PALM2AKAP2: variants seen among roughly 807,000 people sequenced by gnomAD.
The protein encoded by PALM2AKAP2 is PALM2 and AKAP2 fusion.
In PALM2AKAP2, 37 loss-of-function variants were observed where a neutral mutation model predicts 71.5. The ratio of observed to expected loss-of-function variants is 0.52; its 90% CI spans 0.40 to 0.68. The LOEUF is 0.68. Among genes scored for constraint, PALM2AKAP2 ranks in the 30% least tolerant of loss-of-function variants. PALM2AKAP2 has a pLI of 0.00. For missense variants in PALM2AKAP2, 1,224 were observed against 1,191.8 expected (o/e 1.03, Z -0.40); for synonymous variants, 468 against 478.8 (o/e 0.98, Z 0.29).
intron 1 of PALM2AKAP2, among the ~76,000 whole-genome samples, chr9:109,740,996 T>C (rs1816452455): frequency 6.6e-6 from 1 of 152,224 alleles, no homozygotes; most frequent in South Asian, 2.1e-4. Context: ...AATTGAGGTA[T>C]GATTTACATC....
rs1830555409 is a variant in PALM2AKAP2 at position 109,910,970 on chromosome 9, G to A, written c.258-12765G>A. 2.6e-5 allele frequency among the ~76,000 whole-genome samples: 4 copies of A among 152,300 alleles called. 1 individual carries two copies. The South Asian group carries it at 8.3e-4, about 32-fold the overall frequency. ...TTTAGTATGGAAAGAGATAATTCTT[G>A]TTTATTGACTAGCAGGAAGGAGGCA... On this transcript the variant is annotated intron_variant, in intron 3 of 9. Coordinates refer to the PALM2AKAP2 transcript ENST00000302798.
chr9:109,692,309 T>A (rs1448331411), intron 1 of PALM2AKAP2, among the ~76,000 whole-genome samples: 3 of 151,996 alleles, frequency 2.0e-5, no homozygotes, highest in East Asian at 3.8e-4. Flanking sequence ...TCTTGAGACC[T>A]TGCTAAACTC....
At chr9:109,842,469 G>A (rs893821206) in intron 1 of PALM2AKAP2, among the ~76,000 whole-genome samples, 3 of 152,112 alleles carry the variant, frequency 2.0e-5, no homozygotes, top group Non-Finnish European at 2.9e-5. Flanking sequence ...AGGCGGGTAC[G>A]CAGAATACAT....
At chr9:109,735,994 T>C (rs1275375210) in intron 1 of PALM2AKAP2, among the ~76,000 whole-genome samples, 1 of 152,200 alleles carries the variant, frequency 6.6e-6, no homozygotes, top group East Asian at 1.9e-4. Context: ...TAGTTATCTT[T>C]AGTCTATGCT....
At chr9:110,033,325 CT>C (rs1833320768) in intron 7 of PALM2AKAP2, among the ~76,000 whole-genome samples, 1 of 152,120 alleles carries the variant, frequency 6.6e-6, no homozygotes, top group Admixed American at 6.5e-5. Context: ...TTTTCCAAAC[CT>C]TTCTCCTTTG....
chr9:109,867,283 A>G (rs1829476884), intron 1 of PALM2AKAP2: 1 of 509,854 alleles, frequency 2.0e-6, no homozygotes, highest in Non-Finnish European at 3.6e-6. Context: ...AATTTCTCCC[A>G]CTCTTCGAGC....
At chr9:109,706,023 C>T (rs1828138029) in intron 1 of PALM2AKAP2, among the ~76,000 whole-genome samples, 1 of 152,090 alleles carries the variant, frequency 6.6e-6, no homozygotes, top group Non-Finnish European at 1.5e-5. Flanking sequence ...CTTCAAGTCT[C>T]CCCAGCAAGG....
intron 6 of PALM2AKAP2, among the ~76,000 whole-genome samples, chr9:109,977,936 T>C (rs1832199563): frequency 6.6e-6 from 1 of 152,194 alleles, no homozygotes; most frequent in African/African-American, 2.4e-5. Context: ...TGTCCATCCC[T>C]GGACCAGGAC....
chr9:110,166,316 G>T (rs966789348), intron 3 of PALM2AKAP2, among the ~76,000 whole-genome samples: 4 of 152,206 alleles, frequency 2.6e-5, no homozygotes, highest in African/African-American at 9.7e-5. Flanking sequence ...AAGTAGACCT[G>T]CCTGGACTTC....
At chr9:110,093,040 T>A (rs1313372983) in intron 1 of PALM2AKAP2, among the ~76,000 whole-genome samples, 2 of 152,038 alleles carry the variant, frequency 1.3e-5, no homozygotes, top group African/African-American at 4.8e-5. Flanking sequence ...CGGTGCAGAA[T>A]GAAGGTAGAG....
intron 1 of PALM2AKAP2, among the ~76,000 whole-genome samples, chr9:109,757,095 A>T (rs569732859): frequency 6.6e-6 from 1 of 152,242 alleles, no homozygotes; most frequent in East Asian, 1.9e-4. Flanking sequence ...CTATTCGCCA[A>T]CCACTCTTTA....
chr9:110,153,723 A>G (rs749719933), intron 2 of PALM2AKAP2, among the ~76,000 whole-genome samples: 15 of 152,370 alleles, frequency 9.8e-5, no homozygotes, highest in Middle Eastern at 3.4e-3. Flanking sequence ...TGGAGTTTGC[A>G]TTCAAATGAA....
intron 1 of PALM2AKAP2, among the ~76,000 whole-genome samples, chr9:109,769,868 G>A (rs1055870158): frequency 6.6e-6 from 1 of 152,118 alleles, no homozygotes. Flanking sequence ...TAGATTGAAA[G>A]GATAACTACT....
chr9:109,880,652 A>G, exon 3 of PALM2AKAP2: 2 of 1,614,080 alleles, frequency 1.2e-6, no homozygotes, highest in Non-Finnish European at 1.7e-6. Context: ...ATGAGTTCAG[A>G]GTCAAGCAAC....
intron 1 of PALM2AKAP2, among the ~76,000 whole-genome samples, chr9:109,838,382 G>A (rs1161854065): frequency 1.3e-5 from 2 of 152,218 alleles, no homozygotes; most frequent in African/African-American, 4.8e-5. Context: ...AAAGCAGTGT[G>A]TAGAGGGAAA....
At chr9:109,942,798 C>G in intron 6 of PALM2AKAP2, 1 of 1,614,154 alleles carries the variant, frequency 6.2e-7, no homozygotes, top group Non-Finnish European at 8.5e-7. Context: ...GAGTCAAAGT[C>G]TATGATGATG....
At chr9:110,030,546 A>C (rs1159298298) in intron 7 of PALM2AKAP2, among the ~76,000 whole-genome samples, 2 of 152,276 alleles carry the variant, frequency 1.3e-5, no homozygotes, top group South Asian at 2.1e-4. Flanking sequence ...CAGAATATCA[A>C]AGCATCATAT....
In PALM2AKAP2 at chr9:109,767,599, G is replaced by T. The variant is rs945092412; in HGVS notation, c.6-12889G>T. On this transcript the variant is annotated intron_variant, in intron 1 of 6. Transcript: ENST00000374531. ...TTAACCCCTCCCAAGGCCGAGATCT[G>T]GTGGGGCCACCCTCTGGCCTCCTCT... Among the ~76,000 whole-genome samples the T allele has an allele frequency of 3.9e-5, 6 of 152,270 alleles. No homozygotes were observed. In the South Asian group the frequency reaches 6.2e-4, roughly 16 times the overall value.
At chr9:109,930,895 G>A (rs1162281241) in intron 5 of PALM2AKAP2, among the ~76,000 whole-genome samples, 2 of 152,224 alleles carry the variant, frequency 1.3e-5, no homozygotes, top group Non-Finnish European at 2.9e-5. Flanking sequence ...GACAGGAGAA[G>A]CAGCAGGTGA....
Sources: allele counts gnomAD v4.1 joint callset (sites outside exome capture counted in the v4.1 genomes callset), GRCh38; gene constraint gnomAD v4.1.1; transcripts MANE v1.5; gene names NCBI Gene and HGNC (gene_info 2026-07-23, HGNC 2026-07-21).